Variants in EXOC4 observed in about 807,000 individuals in gnomAD.
The protein encoded by EXOC4 is exocyst complex component 4.
A neutral mutation model predicts 107.2 loss-of-function variants in EXOC4; 71 were observed. The ratio of observed to expected loss-of-function variants is 0.66; its 90% CI spans 0.55 to 0.81. The LOEUF (loss-of-function observed/expected upper bound fraction) is 0.81, where lower values mean the gene tolerates loss of function less well. EXOC4 is among the 30% of genes least tolerant of loss of function. The pLI, the probability that EXOC4 is intolerant of heterozygous loss-of-function variation, is 0.00. For missense variants in EXOC4, 1,108 were observed against 1,189.6 expected (o/e 0.93, Z 1.01); for synonymous variants, 456 against 441.2 (o/e 1.03, Z -0.42).
chr7:133,521,550 C>G (rs1198733843), intron 9 of EXOC4, among the ~76,000 whole-genome samples: 3 of 151,962 alleles, frequency 2.0e-5, no homozygotes, highest in African/African-American at 7.2e-5. Context: ...CCTAGAATTA[C>G]ATTCCCAGAG....
downstream of EXOC4, among the ~76,000 whole-genome samples, chr7:134,071,140 A>G (rs1334230664): frequency 6.6e-6 from 1 of 152,214 alleles, no homozygotes; most frequent in East Asian, 1.9e-4. Flanking sequence ...ACATTATTTC[A>G]TTTAATCCTC....
At chr7:133,966,234 G>T (rs1338588477) in intron 14 of EXOC4, among the ~76,000 whole-genome samples, 2 of 152,184 alleles carry the variant, frequency 1.3e-5, no homozygotes, top group African/African-American at 4.8e-5. Flanking sequence ...GGCTTGAGAT[G>T]ATGGGGTTTT....
chr7:133,829,617 G>A (rs568748365), intron 11 of EXOC4, among the ~76,000 whole-genome samples: 5 of 152,300 alleles, frequency 3.3e-5, no homozygotes, highest in South Asian at 4.1e-4. Context: ...TGACTTTCTC[G>A]GATAAATATT....
At chr7:133,570,442 G>A (rs1800998092) in intron 9 of EXOC4, among the ~76,000 whole-genome samples, 1 of 152,208 alleles carries the variant, frequency 6.6e-6, no homozygotes, top group South Asian at 2.1e-4. Flanking sequence ...TTCAGCACAT[G>A]TCGTGCTCTT....
At chr7:133,957,875 A>AT (rs1165877130) in intron 14 of EXOC4, among the ~76,000 whole-genome samples, 1 of 152,240 alleles carries the variant, frequency 6.6e-6, no homozygotes, top group African/African-American at 2.4e-5. Flanking sequence ...ACACTGAATT[A>AT]GTCATGTGTA....
intron 9 of EXOC4, among the ~76,000 whole-genome samples, chr7:133,530,266 T>A (rs1302073862): frequency 2.6e-5 from 4 of 152,146 alleles, no homozygotes; most frequent in African/African-American, 4.8e-5. Flanking sequence ...AATATTGAGA[T>A]AATGGATATA....
chr7:133,745,941 TTC>T (rs1349953479), intron 10 of EXOC4, among the ~76,000 whole-genome samples: 2 of 152,276 alleles, frequency 1.3e-5, no homozygotes, highest in African/African-American at 4.8e-5. Context: ...CCTCTTACTT[TTC>T]TGTGTTTTTC....
intron 13 of EXOC4, among the ~76,000 whole-genome samples, chr7:133,922,415 A>G (rs1307548961): frequency 6.6e-6 from 1 of 152,112 alleles, no homozygotes; most frequent in Admixed American, 6.6e-5. Flanking sequence ...GCAATTATAT[A>G]TATATATTTA....
chr7:133,628,692 T>A (rs1002460902), intron 9 of EXOC4, among the ~76,000 whole-genome samples: 1 of 152,156 alleles, frequency 6.6e-6, no homozygotes, highest in Non-Finnish European at 1.5e-5. Context: ...TGGAAACCAG[T>A]CATGGTGAAT....
chr7:133,863,017 G>A (rs1438913897), intron 11 of EXOC4, among the ~76,000 whole-genome samples: 1 of 152,114 alleles, frequency 6.6e-6, no homozygotes, highest in Non-Finnish European at 1.5e-5. Flanking sequence ...AAGCTATAAT[G>A]ATAACTATAA....
chr7:133,257,366 G>A (rs561412517), intron 1 of EXOC4, among the ~76,000 whole-genome samples: 18 of 149,896 alleles, frequency 1.2e-4, no homozygotes, highest in Admixed American at 2.0e-4. Flanking sequence ...TTACACACAC[G>A]CACACACACA....
At chr7:133,390,525 C>T (rs1038896386) in intron 7 of EXOC4, among the ~76,000 whole-genome samples, 2 of 151,984 alleles carry the variant, frequency 1.3e-5, no homozygotes, top group South Asian at 4.1e-4. Flanking sequence ...AGAAAGTGGG[C>T]GGGGCCAGCT....
intron 11 of EXOC4, among the ~76,000 whole-genome samples, chr7:133,821,197 G>T (rs533542197): frequency 6.6e-6 from 1 of 152,136 alleles, no homozygotes; most frequent in Non-Finnish European, 1.5e-5. Flanking sequence ...CACTATTCTG[G>T]GTGCTTTGTC....
intron 9 of EXOC4, among the ~76,000 whole-genome samples, chr7:133,486,222 G>A (rs769023464): frequency 2.6e-5 from 4 of 152,096 alleles, no homozygotes; most frequent in Non-Finnish European, 4.4e-5. Context: ...TGGGTTGTCG[G>A]TGACTGGGAT....
chr7:133,754,819 C>G (rs1795865100), intron 10 of EXOC4, among the ~76,000 whole-genome samples: 1 of 152,124 alleles, frequency 6.6e-6, no homozygotes, highest in Non-Finnish European at 1.5e-5. Context: ...AAGATGTGGT[C>G]TAAAGCTCTT....
At chr7:134,046,205 G>A (rs768039057) in intron 17 of EXOC4, among the ~76,000 whole-genome samples, 134 of 152,252 alleles carry the variant, frequency 8.8e-4, no homozygotes, top group Middle Eastern at 6.8e-3. Context: ...CTCAGGGCCG[G>A]GCACAATGGC....
intron 5 of EXOC4, among the ~76,000 whole-genome samples, chr7:133,343,390 C>T (rs1795710235): frequency 6.6e-6 from 1 of 152,060 alleles, no homozygotes; most frequent in African/African-American, 2.4e-5. Context: ...TCAGGTCTCT[C>T]AGCTGGTCTC....
At chr7:133,307,643 T>C (rs933232053) in intron 4 of EXOC4, among the ~76,000 whole-genome samples, 2 of 152,244 alleles carry the variant, frequency 1.3e-5, no homozygotes, top group Non-Finnish European at 2.9e-5. Context: ...GAATAATCAC[T>C]CATTTCCCTT....
At chr7:133,420,778 T>C (rs999429309) in intron 7 of EXOC4, among the ~76,000 whole-genome samples, 1 of 151,950 alleles carries the variant, frequency 6.6e-6, no homozygotes, top group Non-Finnish European at 1.5e-5. Flanking sequence ...GAAAGTTCTT[T>C]GGGCTTGACC....
Sources: gnomAD v4.1 joint callset for allele counts (sites outside exome capture counted in the v4.1 genomes callset) on GRCh38, gnomAD v4.1.1 for gene constraint, MANE v1.5 for transcripts, NCBI Gene and HGNC (gene_info 2026-07-23, HGNC 2026-07-21) for gene names.